ADAM22: variants seen among roughly 807,000 people sequenced by gnomAD.
ADAM22 encodes the protein ADAM metallopeptidase domain 22, also known as disintegrin and metalloproteinase domain-containing protein 22.
Under a neutral mutation model 144.6 loss-of-function variants are expected in ADAM22, and 65 were observed. The observed-to-expected ratio is 0.45, with a 90% CI of 0.37 to 0.55. The LOEUF (loss-of-function observed/expected upper bound fraction) is 0.55. ADAM22 is among the 20% of genes least tolerant of loss of function. The pLI is 0.00. For synonymous variants in ADAM22, 391 were observed against 412.6 expected (o/e 0.95, Z 0.63); for missense variants, 974 against 1,184.9 (o/e 0.82, Z 2.61).
intron 3 of ADAM22, among the ~76,000 whole-genome samples, chr7:88,007,700 A>G (rs1794293345): frequency 6.6e-6 from 1 of 152,232 alleles, no homozygotes; most frequent in South Asian, 2.1e-4. Context: ...AGCCATATGT[A>G]GAAAGCTGAA....
chr7:88,201,083 A>C lies in ADAM22; in HGVS notation c.*4592A>C, dbSNP rs1851172151. 6.6e-6 allele frequency: 1 copy of C among 152,246 alleles called. No individual in the cohort carries two copies. The highest frequency in any genetic ancestry group is 1.5e-5 in the Non-Finnish European group (1 of 68,034). The allele number at this position is 152,246 out of a possible 1,614,324, so 9.4% of individuals were successfully genotyped here. A position where few individuals can be genotyped will look rare whatever the true frequency, so the allele number is the denominator to read the frequency against. On this transcript the variant is annotated 3_prime_UTR_variant, in exon 32 of 32. Transcript: ENST00000413139. The stretch of plus-strand genomic sequence containing the variant: ...TCTCCCACATCTGCGGATGCAGAAC[A>C]AAGATGCAGCAGGACTTTAGAAAAC...
intron 4 of ADAM22, among the ~76,000 whole-genome samples, chr7:88,089,519 A>G (rs143639835): frequency 1.3e-5 from 2 of 152,212 alleles, no homozygotes; most frequent in East Asian, 1.9e-4. Context: ...TTCTTTTCCA[A>G]TAGAGCAACT....
chr7:88,070,102 G>A (rs1812333241), intron 3 of ADAM22, among the ~76,000 whole-genome samples: 1 of 152,104 alleles, frequency 6.6e-6, no homozygotes, highest in African/African-American at 2.4e-5. Flanking sequence ...CCAAGCTGGT[G>A]TGGTTCCAGT....
intron 25 of ADAM22, 100 bp downstream of exon 25, chr7:88,168,327 A>C: frequency 2.5e-6 from 3 of 1,201,234 alleles, no homozygotes; most frequent in Non-Finnish European, 1.2e-6. Flanking sequence ...GGTTGAATAT[A>C]CTTGCAATGA....
intron 3 of ADAM22, among the ~76,000 whole-genome samples, chr7:88,004,312 T>C (rs1323881205): frequency 6.6e-6 from 1 of 152,254 alleles, no homozygotes; most frequent in Non-Finnish European, 1.5e-5. Context: ...CATTTGCTTT[T>C]AGCATCTTTT....
chr7:88,012,038 CTTT>C (rs35274305), intron 3 of ADAM22, among the ~76,000 whole-genome samples: 1 of 137,878 alleles, frequency 7.3e-6, no homozygotes. Flanking sequence ...GTTTTTTTTT[CTTT>C]TTTTTTTTTG....
At chr7:87,948,451 T>G (rs2131357248) in intron 2 of ADAM22, among the ~76,000 whole-genome samples, 1 of 152,312 alleles carries the variant, frequency 6.6e-6, no homozygotes, top group African/African-American at 2.4e-5. Flanking sequence ...TGGATGTGGA[T>G]TTTAATGTCC....
intron 2 of ADAM22, among the ~76,000 whole-genome samples, chr7:87,935,784 A>G (rs1177045019): frequency 1.3e-5 from 2 of 152,222 alleles, no homozygotes; most frequent in Non-Finnish European, 2.9e-5. Context: ...TGGTTTAATT[A>G]GGGCTGTGCT....
intron 10 of ADAM22, 65 bp from the exon 11 acceptor site, chr7:88,131,204 C>T: frequency 7.2e-7 from 1 of 1,398,236 alleles, no homozygotes; most frequent in South Asian, 1.3e-5. Context: ...TTTTGTAGTC[C>T]TGTTCATAAA....
intron 3 of ADAM22, among the ~76,000 whole-genome samples, chr7:88,025,656 T>C (rs113105088): frequency 0.039 from 5,962 of 152,312 alleles, 364 homozygotes; most frequent in African/African-American, 0.13. Context: ...TTGGCACCTT[T>C]GTTGAAAATA....
At position 88,196,750 on chromosome 7, in the gene ADAM22, A is replaced by T; in HGVS notation, c.*259A>T. 1.9e-6 allele frequency: 1 copy of T among 513,906 alleles called. No individual in the cohort carries two copies. Among genetic ancestry groups the T allele is most frequent in the Non-Finnish European group, 3.5e-6 (1 of 284,352 alleles). 31.8% of individuals were successfully genotyped at this position (513,906 alleles called of 1,614,324 possible). A position where few individuals can be genotyped will look rare whatever the true frequency, so the allele number is the denominator to read the frequency against. On this transcript the variant is annotated 3_prime_UTR_variant, in exon 32 of 32. Coordinates refer to ENST00000413139, the MANE Select transcript of ADAM22 (RefSeq NM_001324418.2). The stretch of plus-strand genomic sequence containing the variant: ...GAACAATAAAGGTACTGGTATGTTA[A>T]TGGATAATCCGCATGACAGATAATA...
intron 4 of ADAM22, among the ~76,000 whole-genome samples, chr7:88,078,732 G>A (rs1346343268): frequency 6.6e-6 from 1 of 152,228 alleles, no homozygotes; most frequent in African/African-American, 2.4e-5. Context: ...TGATCAACTG[G>A]AAGAAAGGGT....
At chr7:88,134,620 A>G (rs1832571304) in intron 13 of ADAM22, among the ~76,000 whole-genome samples, 2 of 152,336 alleles carry the variant, frequency 1.3e-5, no homozygotes, top group African/African-American at 4.8e-5. Flanking sequence ...TTCTATGACT[A>G]TAATAAACTT....
At chr7:88,182,187 C>G (rs1278287576) in intron 29 of ADAM22, 163 bp downstream of exon 29, 3 of 613,808 alleles carry the variant, frequency 4.9e-6, no homozygotes, top group African/African-American at 3.7e-5. Flanking sequence ...TGGCTTTTCT[C>G]TCTTACATAG....
intron 3 of ADAM22, among the ~76,000 whole-genome samples, chr7:87,979,438 C>G (rs190064908): frequency 6.6e-6 from 1 of 152,256 alleles, no homozygotes; most frequent in South Asian, 2.1e-4. Context: ...TGCCTTCACT[C>G]CCTCATCTAC....
intron 3 of ADAM22, among the ~76,000 whole-genome samples, chr7:88,040,223 T>C (rs994494148): frequency 1.7e-4 from 26 of 151,920 alleles, no homozygotes; most frequent in African/African-American, 5.8e-4. Context: ...CCTCCATCTC[T>C]TAGGTTCAAG....
intron 3 of ADAM22, among the ~76,000 whole-genome samples, chr7:87,981,614 G>A (rs1209909221): frequency 6.6e-6 from 1 of 152,144 alleles, no homozygotes; most frequent in African/African-American, 2.4e-5. Flanking sequence ...CTGTTTAAAA[G>A]AGAACATTCA....
intron 4 of ADAM22, among the ~76,000 whole-genome samples, chr7:88,099,558 G>C (rs1263079031): frequency 6.6e-6 from 1 of 152,150 alleles, no homozygotes; most frequent in African/African-American, 2.4e-5. Flanking sequence ...TCATTGAAAG[G>C]ATAGTCCAGA....
chr7:88,059,060 C>G (rs62486383), intron 3 of ADAM22, among the ~76,000 whole-genome samples: 62,880 of 151,932 alleles, frequency 0.41, 14,422 homozygotes, highest in South Asian at 0.59. Context: ...AATCAGAGAT[C>G]CTTAGTTCCC....
Sources: allele counts gnomAD v4.1 joint callset (sites outside exome capture counted in the v4.1 genomes callset), GRCh38; gene constraint gnomAD v4.1.1; transcripts MANE v1.5; gene names NCBI Gene and HGNC (gene_info 2026-07-23, HGNC 2026-07-21).